PARD3B: variants seen among roughly 807,000 people sequenced by gnomAD.
PARD3B encodes the protein par-3 family cell polarity regulator beta, also known as partitioning defective 3 homolog B.
PARD3B carries 103 observed loss-of-function variants against 130.2 expected under a neutral mutation model. The observed-to-expected ratio is 0.79, with a 90% CI of 0.67 to 0.93. PARD3B has a LOEUF of 0.93. Among genes scored for constraint, PARD3B ranks in the 40% least tolerant of loss-of-function variants. PARD3B has a pLI of 0.00. For synonymous variants in PARD3B, 583 were observed against 553.2 expected, an observed-to-expected ratio of 1.05 and a Z score of -0.76; for missense variants, 1,609 against 1,499.2, an observed-to-expected ratio of 1.07 and a Z score of -1.21.
At chr2:205,605,532 C>T (rs1272818768) in intron 22 of PARD3B, among the ~76,000 whole-genome samples, 1 of 152,104 alleles carries the variant, frequency 6.6e-6, no homozygotes, top group Admixed American at 6.6e-5. Flanking sequence ...TAGGGGTCCT[C>T]TCCAGACCCT....
chr2:205,214,763 A>G (rs2037826422), intron 15 of PARD3B, among the ~76,000 whole-genome samples: 1 of 152,132 alleles, frequency 6.6e-6, no homozygotes, highest in African/African-American at 2.4e-5. Flanking sequence ...AGTAGCCAGC[A>G]TAACTTCTTG....
intron 1 of PARD3B, among the ~76,000 whole-genome samples, chr2:204,629,143 A>G (rs988387823): frequency 6.6e-6 from 1 of 152,186 alleles, no homozygotes; most frequent in Non-Finnish European, 1.5e-5. Flanking sequence ...AACAAAAGAG[A>G]TGATCAAATT....
intron 20 of PARD3B, among the ~76,000 whole-genome samples, chr2:205,478,268 C>A (rs980451301): frequency 3.3e-5 from 5 of 152,178 alleles, no homozygotes; most frequent in Non-Finnish European, 5.9e-5. Flanking sequence ...CCCCCATTAC[C>A]CTGAAAACCT....
At position 205,042,817 on chromosome 2, in the gene PARD3B, T is replaced by C. The variant is rs149678983; in HGVS notation, c.395-4764T>C. Reference sequence around the variant, plus strand: ...TGAACACCATGACTGCTGATCTTAATATCCTCATCCCTTCTCCCTGTCCTG... The same window carrying C: ...TGAACACCATGACTGCTGATCTTAACATCCTCATCCCTTCTCCCTGTCCTG... On this transcript the variant is annotated intron_variant, in intron 3 of 22. Transcript: ENST00000406610. Among the ~76,000 whole-genome samples, 796 of 151,836 alleles carry C rather than the reference T, an allele frequency of 5.2e-3. 17 individuals are homozygous for C. The highest frequency in any genetic ancestry group is 0.039 in the East Asian group (203 of 5,150).
chr2:205,524,299 A>ATCACCTTACATC (rs751737367), intron 21 of PARD3B, among the ~76,000 whole-genome samples: 2 of 152,066 alleles, frequency 1.3e-5, no homozygotes, highest in African/African-American at 2.4e-5. Context: ...CTTGATTCTC[A>ATCACCTTACATC]TCACCTTACA....
chr2:205,347,520 A>G lies in PARD3B; in HGVS notation c.2630+45819A>G, dbSNP rs144482354. Among the ~76,000 whole-genome samples, 187 of 152,360 alleles carry G rather than the reference A, an allele frequency of 1.2e-3. 1 individual carries two copies. In the East Asian group the frequency reaches 0.014, roughly 11 times the overall value. On this transcript the variant is annotated intron_variant, in intron 18 of 22. Transcript: ENST00000406610. ...ATAGCCTGAAATAAGAAGCTACAAT[A>G]TAATGGGAGGCCAGTAGTTAAAAAA...
chr2:204,641,389 C>G (rs539904737), intron 1 of PARD3B, among the ~76,000 whole-genome samples: 1 of 151,120 alleles, frequency 6.6e-6, no homozygotes, highest in Non-Finnish European at 1.5e-5. Flanking sequence ...TAAGGGCTCC[C>G]GTGAAGGACT....
chr2:205,108,625 A>C (rs1417658449), intron 5 of PARD3B, among the ~76,000 whole-genome samples: 1 of 151,894 alleles, frequency 6.6e-6, no homozygotes, highest in Non-Finnish European at 1.5e-5. Context: ...CCCCTCACCT[A>C]TCTTTTCTGA....
chr2:205,261,266 T>C (rs2105763689), intron 16 of PARD3B, among the ~76,000 whole-genome samples: 1 of 152,236 alleles, frequency 6.6e-6, no homozygotes, highest in Non-Finnish European at 1.5e-5. Context: ...AATGAATGAA[T>C]GAATATTCTT....
In PARD3B at chr2:205,584,123, T is replaced by C. The variant is rs1425727560; in HGVS notation, c.3260+30720T>C. Among the ~76,000 whole-genome samples, 1 of 152,198 alleles carries C rather than the reference T, an allele frequency of 6.6e-6. No individual in the cohort carries two copies. Among genetic ancestry groups the C allele is most frequent in the African/African-American group, 2.4e-5 (1 of 41,458 alleles). ...TTAATCACAATTGGAAATAATTCTT[T>C]GTAGATCTGCACTCCAATATGGTAG... On this transcript the variant is annotated intron_variant, in intron 22 of 22. Coordinates refer to ENST00000406610, the MANE Select transcript of PARD3B (RefSeq NM_001302769.2). The surrounding 1 kb of genome is among the most constrained non-coding windows in gnomAD (Gnocchi z 5.5).
chr2:205,359,368 T>C (rs2044308038), intron 18 of PARD3B, among the ~76,000 whole-genome samples: 1 of 152,218 alleles, frequency 6.6e-6, no homozygotes, highest in Admixed American at 6.5e-5. Flanking sequence ...ATCTTATGCA[T>C]GTACTCTGGC....
intron 18 of PARD3B, among the ~76,000 whole-genome samples, chr2:205,363,740 C>T (rs989734214): frequency 6.6e-6 from 1 of 151,926 alleles, no homozygotes; most frequent in South Asian, 2.1e-4. Context: ...TCTCAGCTCA[C>T]TGCAACCTCC....
intron 1 of PARD3B, among the ~76,000 whole-genome samples, chr2:204,552,203 G>A (rs1191106337): frequency 1.3e-5 from 2 of 152,176 alleles, no homozygotes; most frequent in African/African-American, 2.4e-5. Flanking sequence ...GTTCTGTTGA[G>A]AACTTTGCCA....
intron 16 of PARD3B, among the ~76,000 whole-genome samples, chr2:205,266,967 C>T (rs1352522314): frequency 6.6e-6 from 1 of 152,072 alleles, no homozygotes; most frequent in African/African-American, 2.4e-5. Flanking sequence ...ATCTCATCCT[C>T]AATCTTAATG....
intron 21 of PARD3B, among the ~76,000 whole-genome samples, chr2:205,520,693 C>T (rs1000506486): frequency 2.0e-5 from 3 of 152,116 alleles, no homozygotes; most frequent in Non-Finnish European, 4.4e-5. Flanking sequence ...TATACACACA[C>T]ACACACATAT....
At chr2:204,942,710 T>C (rs1217412022) in intron 2 of PARD3B, among the ~76,000 whole-genome samples, 1 of 152,220 alleles carries the variant, frequency 6.6e-6, no homozygotes, top group Non-Finnish European at 1.5e-5. Flanking sequence ...GCAAATTTTC[T>C]ATGTTGTGTA....
chr2:204,864,533 T>C (rs937692342), intron 2 of PARD3B, among the ~76,000 whole-genome samples: 1 of 152,190 alleles, frequency 6.6e-6, no homozygotes, highest in African/African-American at 2.4e-5. Context: ...AATTAAAGTG[T>C]CCACGCAAAG....
chr2:205,076,276 C>T (rs1701057624), intron 4 of PARD3B, among the ~76,000 whole-genome samples: 1 of 152,172 alleles, frequency 6.6e-6, no homozygotes, highest in Non-Finnish European at 1.5e-5. Flanking sequence ...GTCACCAATG[C>T]TTCAAACAAT....
chr2:204,787,684 G>A (rs528990475), intron 2 of PARD3B, among the ~76,000 whole-genome samples: 22 of 152,298 alleles, frequency 1.4e-4, no homozygotes, highest in African/African-American at 4.1e-4. Context: ...TTTCTAATAG[G>A]TGGAATGTAA....
Sources: allele counts gnomAD v4.1 joint callset (sites outside exome capture counted in the v4.1 genomes callset), GRCh38; gene constraint gnomAD v4.1.1; non-coding constraint Gnocchi (gnomAD v3.1); transcripts MANE v1.5; gene names NCBI Gene and HGNC (gene_info 2026-07-23, HGNC 2026-07-21).